The following PLD5 variants were observed in gnomAD, a reference collection of about 807,000 sequenced individuals.
PLD5 encodes phospholipase D family member 5.
In PLD5, 36 loss-of-function variants were observed where a neutral mutation model predicts 61.1. That is an observed-to-expected ratio of 0.59 (90% CI 0.45 to 0.78). The LOEUF (loss-of-function observed/expected upper bound fraction) is 0.78. Among genes scored for constraint, PLD5 ranks in the 30% least tolerant of loss-of-function variants. The pLI is 0.00. For synonymous variants in PLD5, 243 were observed against 242.8 expected (o/e 1.00, Z -0.01); for missense variants, 515 against 644.4 (o/e 0.80, Z 2.17).
chr1:242,424,728 G>C (rs544915206), intron 1 of PLD5, among the ~76,000 whole-genome samples: 130 of 152,272 alleles, frequency 8.5e-4, no homozygotes, highest in African/African-American at 2.1e-3. Flanking sequence ...GAATAAGCTT[G>C]TTGCTTCAGG....
At chr1:242,509,067 C>A (rs557224154) in intron 1 of PLD5, among the ~76,000 whole-genome samples, 1 of 151,794 alleles carries the variant, frequency 6.6e-6, no homozygotes, top group African/African-American at 2.4e-5. Flanking sequence ...GGTGACAGAG[C>A]AAGACTCCGT....
intron 1 of PLD5, among the ~76,000 whole-genome samples, chr1:242,479,923 C>A (rs775847107): frequency 6.6e-6 from 1 of 151,412 alleles, no homozygotes; most frequent in Non-Finnish European, 1.5e-5. Context: ...TGTTGGTGTG[C>A]GCCTGTAGTC....
rs71570946 is a variant in PLD5, at chr1:242,256,747, C to CATCTATCT, written c.607+8582_607+8589dup. Among the ~76,000 whole-genome samples, 756 of 148,328 alleles carry CATCTATCT rather than the reference C, an allele frequency of 5.1e-3. 3 individuals carry two copies. Among genetic ancestry groups the CATCTATCT allele is most frequent in the Non-Finnish European group, 5.8e-3 (388 of 67,024 alleles). Reference sequence around the variant, plus strand: ...AGCAGCACAAATGAACTAAGACTATCATCTATCTATCTATCTATCTATCTA... The same window carrying CATCTATCT: ...AGCAGCACAAATGAACTAAGACTATCATCTATCTATCTATCTATCTATCTATCTATCTA... On this transcript the variant is annotated intron_variant, in intron 4 of 9. Transcript: ENST00000536534. The surrounding 1 kb of genome is among the most constrained non-coding windows in gnomAD (Gnocchi z 5.7).
intron 1 of PLD5, among the ~76,000 whole-genome samples, chr1:242,433,899 C>T (rs952401316): frequency 2.0e-5 from 3 of 152,206 alleles, no homozygotes; most frequent in Admixed American, 2.0e-4. Context: ...CAGGAGGTCA[C>T]CATGACTGCC....
chr1:242,404,816 T>G (rs2149281917), intron 1 of PLD5, among the ~76,000 whole-genome samples: 1 of 151,430 alleles, frequency 6.6e-6, no homozygotes, highest in East Asian at 1.9e-4. Context: ...CCATCAGACC[T>G]TTATCTGATT....
intron 1 of PLD5, among the ~76,000 whole-genome samples, chr1:242,403,055 C>T (rs1416472355): frequency 6.6e-6 from 1 of 152,204 alleles, no homozygotes. Flanking sequence ...TTAGCGCCAG[C>T]CTGAGAAACA....
At chr1:242,292,005 A>T (rs1436297001) in intron 2 of PLD5, among the ~76,000 whole-genome samples, 3 of 152,168 alleles carry the variant, frequency 2.0e-5, no homozygotes, top group Non-Finnish European at 4.4e-5. Flanking sequence ...CAGGAAGATG[A>T]GAGGGGTCCA....
At chr1:242,465,456 A>G (rs1321976666) in intron 1 of PLD5, among the ~76,000 whole-genome samples, 3 of 152,192 alleles carry the variant, frequency 2.0e-5, no homozygotes, top group East Asian at 1.9e-4. Flanking sequence ...AAACTCTGCA[A>G]TGGCTTCCCA....
intron 2 of PLD5, among the ~76,000 whole-genome samples, chr1:242,335,563 G>A (rs191978473): frequency 8.2e-4 from 125 of 152,282 alleles, no homozygotes; most frequent in African/African-American, 2.8e-3. Flanking sequence ...TGAGAATTGC[G>A]TGGTAAAAAT....
At chr1:242,356,146 T>G (rs982123892) in intron 1 of PLD5, among the ~76,000 whole-genome samples, 9 of 81,694 alleles carry the variant, frequency 1.1e-4, no homozygotes, top group Non-Finnish European at 2.3e-4. Context: ...TGATTTTATG[T>G]CTATCCAATA....
At position 242,207,822 on chromosome 1, in the gene PLD5, ATT is replaced by A. The variant is rs1444019165; in HGVS notation, c.735+12164_735+12165del. 2.3e-4 allele frequency among the ~76,000 whole-genome samples: 16 copies of A among 69,870 alleles called. No individual in the cohort carries two copies. In the South Asian group the frequency reaches 2.4e-3, roughly 10 times the overall value. The allele number at this position is 69,870 out of a possible 152,430, so 45.8% of individuals were successfully genotyped here. A position where few individuals can be genotyped will look rare whatever the true frequency, so the allele number is the denominator to read the frequency against. On this transcript the variant is annotated intron_variant, in intron 5 of 9. Transcript: ENST00000536534. The stretch of plus-strand genomic sequence containing the variant: ...TATTTATATATATTTATATTTATAT[ATT>A]TATATATATTTATATATTTATATAT...
At chr1:242,319,821 C>T (rs1293941816) in intron 2 of PLD5, among the ~76,000 whole-genome samples, 16 of 152,160 alleles carry the variant, frequency 1.1e-4, no homozygotes, top group African/African-American at 3.4e-4. Context: ...AAGTTGAATG[C>T]GTATGTGACT....
At chr1:242,278,068 T>C (rs1674510512) in intron 3 of PLD5, among the ~76,000 whole-genome samples, 1 of 152,204 alleles carries the variant, frequency 6.6e-6, no homozygotes. Flanking sequence ...TATCAAACTG[T>C]CAAAAACTTT....
intron 2 of PLD5, among the ~76,000 whole-genome samples, chr1:242,334,559 G>GGCAGCCCTCATCGCA (rs1659391309): frequency 6.6e-6 from 1 of 152,142 alleles, no homozygotes. Context: ...CCCTTTGGTA[G>GGCAGCCCTCATCGCA]GCAGCCCTCA....
chr1:242,208,590 T>G (rs1669592767), intron 5 of PLD5, among the ~76,000 whole-genome samples: 1 of 152,168 alleles, frequency 6.6e-6, no homozygotes, highest in Admixed American at 6.5e-5. Flanking sequence ...ATTAGATGCA[T>G]CAGTGATTCC....
chr1:242,121,999 T>A (rs1662414396), intron 6 of PLD5, among the ~76,000 whole-genome samples: 1 of 151,150 alleles, frequency 6.6e-6, no homozygotes, highest in Non-Finnish European at 1.5e-5. Context: ...TAAATATGAG[T>A]TAGTGGGTGC....
chr1:242,244,224 A>G (rs918441773), intron 4 of PLD5, among the ~76,000 whole-genome samples: 3 of 152,180 alleles, frequency 2.0e-5, no homozygotes, highest in Admixed American at 1.3e-4. Flanking sequence ...ATTTGCCTCC[A>G]CCTAACCTGC....
At chr1:242,284,527 G>A (rs1484377764) in intron 3 of PLD5, among the ~76,000 whole-genome samples, 1 of 152,174 alleles carries the variant, frequency 6.6e-6, no homozygotes, top group African/African-American at 2.4e-5. Context: ...CGCTCTAGGG[G>A]TTGAGAGAGG....
intron 1 of PLD5, among the ~76,000 whole-genome samples, chr1:242,461,635 G>T (rs1264765066): frequency 6.6e-6 from 1 of 152,174 alleles, no homozygotes; most frequent in Non-Finnish European, 1.5e-5. Context: ...TTGAATGGTA[G>T]CTCTGTTTTA....
Sources: gnomAD v4.1 joint callset for allele counts (sites outside exome capture counted in the v4.1 genomes callset) on GRCh38, gnomAD v4.1.1 for gene constraint, Gnocchi (gnomAD v3.1) non-coding constraint, MANE v1.5 for transcripts, NCBI Gene and HGNC (gene_info 2026-07-23, HGNC 2026-07-21) for gene names.